The following FAM135B variants were observed in gnomAD, a reference collection of about 807,000 sequenced individuals.
FAM135B encodes protein FAM135B.
In FAM135B, 43 loss-of-function variants were observed where a neutral mutation model predicts 127.7. That is an observed-to-expected ratio of 0.34 (90% CI 0.26 to 0.43). The LOEUF is 0.43. Among genes scored for constraint, FAM135B ranks in the 20% least tolerant of loss-of-function variants. The pLI is 1.00. For synonymous variants in FAM135B, 670 were observed against 665.1 expected (o/e 1.01, Z -0.11); for missense variants, 1,558 against 1,725.6 (o/e 0.90, Z 1.72).
At chr8:138,376,259 T>C (rs540935656) in intron 1 of FAM135B, among the ~76,000 whole-genome samples, 2 of 152,258 alleles carry the variant, frequency 1.3e-5, no homozygotes, top group East Asian at 3.9e-4. Context: ...CCAGTCCTTC[T>C]TCTCCCTTCC....
chr8:138,392,951 G>T (rs894622371), intron 1 of FAM135B, among the ~76,000 whole-genome samples: 1 of 152,138 alleles, frequency 6.6e-6, no homozygotes, highest in African/African-American at 2.4e-5. Context: ...ACCGAGACTG[G>T]GCAATTTACA....
rs34292545 is a variant in FAM135B at position 138,300,744 on chromosome 8, CTTTTTTTTT to C, written c.157+10088_157+10096del. On this transcript the variant is annotated intron_variant, in intron 3 of 19. Coordinates refer to ENST00000395297, the MANE Select transcript of FAM135B (RefSeq NM_015912.4). ...TTTTCTTCCCGTGCCATTTTATCCA[CTTTTTTTTT>C]TTTTTTTTTTTTTTTAGAGACTGAG... 7.0e-4 allele frequency among the ~76,000 whole-genome samples: 70 copies of C among 100,494 alleles called. 1 individual carries two copies. In the South Asian group the frequency reaches 0.023, roughly 33 times the overall value. 65.9% of individuals were successfully genotyped at this position (100,494 alleles called of 152,430 possible). A position where few individuals can be genotyped will look rare whatever the true frequency, so the allele number is the denominator to read the frequency against.
intron 3 of FAM135B, among the ~76,000 whole-genome samples, chr8:138,295,102 CTTT>C (rs527258472): frequency 1.4e-3 from 118 of 82,008 alleles, no homozygotes; most frequent in Non-Finnish European, 1.8e-3. Context: ...CTTGCTGGTG[CTTT>C]TTTTTTTTTT....
intron 5 of FAM135B, among the ~76,000 whole-genome samples, chr8:138,251,426 G>A (rs538778935): frequency 2.6e-5 from 4 of 152,270 alleles, no homozygotes; most frequent in South Asian, 2.1e-4. Flanking sequence ...GTGTGACCCT[G>A]TGTTTTCTAA....
chr8:138,273,630 T>C (rs1248701371), intron 3 of FAM135B, among the ~76,000 whole-genome samples: 1 of 152,172 alleles, frequency 6.6e-6, no homozygotes, highest in East Asian at 1.9e-4. Context: ...GGGTGAGATT[T>C]CAACTCCACT....
At chr8:138,338,820 T>C (rs1248496987) in intron 2 of FAM135B, among the ~76,000 whole-genome samples, 16 of 152,188 alleles carry the variant, frequency 1.1e-4, no homozygotes, top group Non-Finnish European at 2.2e-4. Flanking sequence ...TCTATGTTTA[T>C]TGTGGCACTA....
intron 6 of FAM135B, among the ~76,000 whole-genome samples, chr8:138,249,053 C>T (rs1821510012): frequency 6.6e-6 from 1 of 152,044 alleles, no homozygotes; most frequent in Non-Finnish European, 1.5e-5. Flanking sequence ...CTTTCCTACC[C>T]CAGGCTGTCT....
chr8:138,442,267 T>TATATATATATATATACAC (rs34280434), intron 1 of FAM135B, among the ~76,000 whole-genome samples: 19 of 86,748 alleles, frequency 2.2e-4, no homozygotes, highest in African/African-American at 5.4e-4. Context: ...TATATATATA[T>TATATATATATATATACAC]ATATATATAT....
At chr8:138,177,087 C>T (rs1814541920) in intron 11 of FAM135B, among the ~76,000 whole-genome samples, 1 of 152,148 alleles carries the variant, frequency 6.6e-6, no homozygotes, top group Non-Finnish European at 1.5e-5. Context: ...CTTCAGGGAC[C>T]TAGGGTGCCT....
chr8:138,395,897 A>C (rs1332784396), intron 1 of FAM135B, among the ~76,000 whole-genome samples: 1 of 152,238 alleles, frequency 6.6e-6, no homozygotes, highest in Non-Finnish European at 1.5e-5. Flanking sequence ...AATAATCTGC[A>C]AACTCCCTTG....
intron 3 of FAM135B, among the ~76,000 whole-genome samples, chr8:138,266,615 ATGTATATATG>A (rs1427553376): frequency 3.5e-5 from 5 of 144,244 alleles, no homozygotes; most frequent in African/African-American, 1.2e-4. Flanking sequence ...ATGTATATAT[ATGTATATATG>A]TGTATATATA....
At chr8:138,485,583 T>C (rs1814953265) in intron 1 of FAM135B, among the ~76,000 whole-genome samples, 1 of 152,216 alleles carries the variant, frequency 6.6e-6, no homozygotes, top group South Asian at 2.1e-4. Context: ...TTATCATTAT[T>C]TTAGAGATAA....
Position 138,407,703 on chromosome 8 carries a change from A to G in FAM135B, c.-19-39701T>C, listed in dbSNP as rs546725706. Among the ~76,000 whole-genome samples, 828 of 152,334 alleles carry G rather than the reference A, an allele frequency of 5.4e-3. 10 individuals are homozygous for G. Among genetic ancestry groups the G allele is most frequent in the African/African-American group, 0.019 (776 of 41,578 alleles). On this transcript the variant is annotated intron_variant, in intron 1 of 19. Coordinates refer to ENST00000395297, the MANE Select transcript of FAM135B (RefSeq NM_015912.4). ...ATGGTGCTGGGAAAACTGGCTAGCC[A>G]TATTTAGAAAGCTGAAACTGGATCC...
At chr8:138,157,981 G>C (rs1451562913) in intron 12 of FAM135B, among the ~76,000 whole-genome samples, 1 of 152,126 alleles carries the variant, frequency 6.6e-6, no homozygotes, top group Non-Finnish European at 1.5e-5. Context: ...AAAGGAGCCC[G>C]CATTGCCAAG....
chr8:138,281,628 T>G (rs141255524), intron 3 of FAM135B, among the ~76,000 whole-genome samples: 1 of 152,246 alleles, frequency 6.6e-6, no homozygotes, highest in African/African-American at 2.4e-5. Context: ...GAAATGAAGC[T>G]TCACTATTTT....
intron 1 of FAM135B, among the ~76,000 whole-genome samples, chr8:138,432,513 C>G (rs1004884991): frequency 6.6e-6 from 1 of 151,914 alleles, no homozygotes; most frequent in African/African-American, 2.4e-5. Context: ...GGTGTGTCAT[C>G]TTACCCATCT....
chr8:138,244,713 C>A (rs1821148412), intron 6 of FAM135B, among the ~76,000 whole-genome samples: 1 of 152,338 alleles, frequency 6.6e-6, no homozygotes, highest in South Asian at 2.1e-4. Context: ...TATGTGAATA[C>A]TCCTGGCACA....
At position 138,241,658 on chromosome 8, in the gene FAM135B, G is replaced by A. The variant is rs193171170; in HGVS notation, c.669+1284C>T. Among the ~76,000 whole-genome samples, 124 of 152,244 alleles carry A rather than the reference G, an allele frequency of 8.1e-4. No homozygotes were observed. Among genetic ancestry groups the A allele is most frequent in the Non-Finnish European group, 1.4e-3 (95 of 68,018 alleles). ...TAGGAGGATAGAACACCTCTTTTGC[G>A]GGGCTGACTGGGCATGGACAGTTTA... is the stretch of plus-strand genomic sequence containing the variant. On this transcript the variant is annotated intron_variant, in intron 7 of 19. Transcript: ENST00000395297. The surrounding 1 kb of genome is among the most constrained non-coding windows in gnomAD (Gnocchi z 4.8).
Position 138,380,091 on chromosome 8 carries a change from G to C in FAM135B, c.-19-12089C>G, listed in dbSNP as rs554618739. On this transcript the variant is annotated intron_variant, in intron 1 of 19. Coordinates refer to ENST00000395297, the MANE Select transcript of FAM135B (RefSeq NM_015912.4). ...CCAATTCAAGTTGAATCACATGAAGGCATCAGCAGGCTTAGTATCAGTGGT... is the reference window on the plus strand; with the variant it reads ...CCAATTCAAGTTGAATCACATGAAGCCATCAGCAGGCTTAGTATCAGTGGT... 1.4e-4 allele frequency among the ~76,000 whole-genome samples: 21 copies of C among 152,302 alleles called. No homozygotes were observed. The South Asian group carries it at 4.1e-3, about 30-fold the overall frequency.
Sources: gnomAD v4.1 joint callset for allele counts (sites outside exome capture counted in the v4.1 genomes callset) on GRCh38, gnomAD v4.1.1 for gene constraint, Gnocchi (gnomAD v3.1) non-coding constraint, MANE v1.5 for transcripts, NCBI Gene and HGNC (gene_info 2026-07-23, HGNC 2026-07-21) for gene names.